Variants in TSEN15 observed in about 807,000 individuals in gnomAD.
The protein encoded by TSEN15 is tRNA splicing endonuclease subunit 15.
A neutral mutation model predicts 20.5 loss-of-function variants in TSEN15; 10 were observed. The ratio of observed to expected loss-of-function variants is 0.49; its 90% CI spans 0.30 to 0.83. The LOEUF is 0.83. Ranked by LOEUF, TSEN15 falls within the 40% of genes least tolerant of loss-of-function variation. The pLI is 0.06. For synonymous variants in TSEN15, 72 were observed against 80.1 expected (o/e 0.90, Z 0.54); for missense variants, 180 against 218.6 (o/e 0.82, Z 1.11).
At chr1:184,092,385 C>T (rs181170877) in intron 3 of TSEN15, among the ~76,000 whole-genome samples, 142 of 152,350 alleles carry the variant, frequency 9.3e-4, no homozygotes, top group Middle Eastern at 3.4e-3. Context: ...GGACTGTTCT[C>T]TGCCTTCAAG....
At chr1:184,070,335 T>C (rs979155137) in intron 3 of TSEN15, among the ~76,000 whole-genome samples, 3 of 152,052 alleles carry the variant, frequency 2.0e-5, no homozygotes, top group African/African-American at 7.2e-5. Context: ...ACAGGCTTCC[T>C]TCTTGTCTGT....
intron 3 of TSEN15, among the ~76,000 whole-genome samples, chr1:184,059,032 CTT>C (rs34067689): frequency 1.0e-4 from 13 of 129,530 alleles, no homozygotes; most frequent in Admixed American, 1.5e-4. Context: ...TTAGAAAATA[CTT>C]TTTTTTTTTT....
intron 3 of TSEN15, among the ~76,000 whole-genome samples, chr1:184,067,750 T>A (rs1315771439): frequency 6.6e-6 from 1 of 151,506 alleles, no homozygotes; most frequent in Non-Finnish European, 1.5e-5. Context: ...AAACCCCGTC[T>A]CTACTAAAAA....
Position 184,051,898 on chromosome 1 carries a change from G to T in TSEN15, c.135+8G>T. The stretch of plus-strand genomic sequence containing the variant: ...ATGGGCACTCACCCTAAGGTCAGGA[G>T]GCGCGAGAGGAGCAGGGCGCCGTCC... On this transcript the variant is annotated splice_region_variant and intron_variant, in intron 1 of 4. Transcript: ENST00000645668. 6.5e-7 allele frequency: 1 copy of T among 1,532,434 alleles called. No individual in the cohort carries two copies. Among genetic ancestry groups the T allele is most frequent in the Non-Finnish European group, 8.8e-7 (1 of 1,137,648 alleles). The allele number at this position is 1,532,434 out of a possible 1,614,324, so 94.9% of individuals were successfully genotyped here.
chr1:184,069,934 C>G (rs946362888), intron 3 of TSEN15, among the ~76,000 whole-genome samples: 3 of 151,894 alleles, frequency 2.0e-5, no homozygotes, highest in African/African-American at 7.2e-5. Flanking sequence ...CAATCACCGC[C>G]CCCTCCAACC....
chr1:184,093,325 C>T (rs16822424), intron 3 of TSEN15, among the ~76,000 whole-genome samples: 1 of 152,288 alleles, frequency 6.6e-6, no homozygotes, highest in East Asian at 1.9e-4. Context: ...GCAACATACA[C>T]TGCCCCTTGG....
downstream of TSEN15, among the ~76,000 whole-genome samples, chr1:184,075,910 A>ATATTTTTT (rs760409158): frequency 8.1e-6 from 1 of 123,738 alleles, no homozygotes; most frequent in African/African-American, 2.8e-5. Flanking sequence ...ATATATATAT[A>ATATTTTTT]TTTTTTTTTT....
downstream of TSEN15, among the ~76,000 whole-genome samples, chr1:184,076,677 A>G (rs1297133338): frequency 3.3e-5 from 5 of 152,200 alleles, no homozygotes; most frequent in Non-Finnish European, 7.4e-5. Flanking sequence ...AAAGTTATGG[A>G]AAGAAATGAA....
At position 184,051,808 on chromosome 1, in the gene TSEN15, C is replaced by G. The variant is rs1273615941; in HGVS notation, c.53C>G (p.Pro18Arg). 1.3e-6 allele frequency: 2 copies of G among 1,540,598 alleles called. No individual in the cohort carries two copies. Residue 18 changes from proline (P) to arginine (R), a missense_variant, in exon 1 of 5, where the codon CCG (proline) becomes CGG (arginine). Transcript: ENST00000645668. ...EPTPGCSGLG[P>R]GGVRGFGDGG... ...ACCCCCGGCTGCAGCGGCCTGGGTC[C>G]GGGCGGTGTTCGCGGCTTTGGCGAC...
At chr1:184,082,238 G>A (rs965983203) in intron 3 of TSEN15, among the ~76,000 whole-genome samples, 1 of 152,106 alleles carries the variant, frequency 6.6e-6, no homozygotes, top group African/African-American at 2.4e-5. Flanking sequence ...ACAGGTAGTG[G>A]CTGAATTGGG....
intron 3 of TSEN15, among the ~76,000 whole-genome samples, chr1:184,059,802 C>G (rs1459587506): frequency 6.6e-6 from 1 of 152,200 alleles, no homozygotes; most frequent in Non-Finnish European, 1.5e-5. Context: ...AACTCCTGAC[C>G]TCAAGTTATC....
exon 4 of TSEN15, chr1:184,097,105 G>T (rs1334758858): frequency 6.6e-6 from 1 of 152,234 alleles, no homozygotes. Flanking sequence ...GAATGCATTA[G>T]AAATGGTCCT....
intron 3 of TSEN15, among the ~76,000 whole-genome samples, chr1:184,083,429 C>T (rs1264429644): frequency 6.6e-6 from 1 of 152,218 alleles, no homozygotes; most frequent in Non-Finnish European, 1.5e-5. Flanking sequence ...TATTTGATTA[C>T]ACATCCTTTC....
intron 3 of TSEN15, among the ~76,000 whole-genome samples, chr1:184,087,590 C>A (rs989139788): frequency 2.6e-5 from 4 of 151,836 alleles, no homozygotes; most frequent in Admixed American, 2.6e-4. Context: ...AGCAGGCAAG[C>A]CCAGACATAA....
exon 4 of TSEN15, chr1:184,095,875 G>T (rs114736807): frequency 1.8e-5 from 7 of 397,232 alleles, no homozygotes; most frequent in African/African-American, 1.4e-4. Context: ...GTTATGACAG[G>T]CCTAGCAAAC....
At chr1:184,097,273 C>G (rs1651471207) in exon 4 of TSEN15, 1 of 152,060 alleles carries the variant, frequency 6.6e-6, no homozygotes, top group South Asian at 2.1e-4. Context: ...GTGTTTTTCC[C>G]CCAAGTTTTT....
chr1:184,054,563 T>A, intron 2 of TSEN15, 128 bp downstream of exon 2: 1 of 1,173,166 alleles, frequency 8.5e-7, no homozygotes, highest in Non-Finnish European at 1.2e-6. Context: ...TTGCAATTTA[T>A]TTATTTACAT....
At chr1:184,079,840 A>G (rs1015504885) in intron 3 of TSEN15, among the ~76,000 whole-genome samples, 1 of 152,146 alleles carries the variant, frequency 6.6e-6, no homozygotes, top group Admixed American at 6.5e-5. Flanking sequence ...CTAGGGATAC[A>G]AAGATTGGTG....
chr1:184,093,177 A>G (rs1378891638), intron 3 of TSEN15, among the ~76,000 whole-genome samples: 1 of 152,218 alleles, frequency 6.6e-6, no homozygotes, highest in Non-Finnish European at 1.5e-5. Flanking sequence ...CAGCAAAAAG[A>G]GATGATATTG....
Sources: gnomAD v4.1 joint callset for allele counts (sites outside exome capture counted in the v4.1 genomes callset) on GRCh38, gnomAD v4.1.1 for gene constraint, MANE v1.5 for transcripts, NCBI Gene and HGNC (gene_info 2026-07-23, HGNC 2026-07-21) for gene names.